FRMD4A: variants seen among roughly 807,000 people sequenced by gnomAD.
The protein encoded by FRMD4A is FERM domain containing 4A.
A neutral mutation model predicts 129.1 loss-of-function variants in FRMD4A; 29 were observed. The observed-to-expected ratio is 0.22, with a 90% CI of 0.17 to 0.31. FRMD4A has a LOEUF of 0.31. FRMD4A is among the 10% of genes least tolerant of loss of function. The probability of loss-of-function intolerance (pLI) is 1.00; values close to 1 mark genes in which losing one functional copy is unlikely to be tolerated. For missense variants in FRMD4A, 1,272 were observed against 1,375.8 expected (o/e 0.92, Z 1.19); for synonymous variants, 634 against 571.6 (o/e 1.11, Z -1.56).
chr10:14,282,073 A>G (rs1047777981), intron 2 of FRMD4A, among the ~76,000 whole-genome samples: 3 of 152,170 alleles, frequency 2.0e-5, no homozygotes, highest in Non-Finnish European at 4.4e-5. Context: ...ATGAGAACCA[A>G]GCAAAAGGGG....
At chr10:13,677,588 C>T (rs1449687594) in intron 15 of FRMD4A, among the ~76,000 whole-genome samples, 2 of 152,190 alleles carry the variant, frequency 1.3e-5, no homozygotes, top group Non-Finnish European at 2.9e-5. Flanking sequence ...CACAGCACAT[C>T]GCTGAACATT....
At chr10:13,827,261 A>G (rs911471704) in intron 3 of FRMD4A, among the ~76,000 whole-genome samples, 4 of 152,154 alleles carry the variant, frequency 2.6e-5, no homozygotes, top group African/African-American at 4.8e-5. Flanking sequence ...CATGGCTTCA[A>G]CACAGTTTCA....
chr10:13,769,359 A>T (rs1348323505), intron 6 of FRMD4A, among the ~76,000 whole-genome samples: 1 of 151,798 alleles, frequency 6.6e-6, no homozygotes. Flanking sequence ...CCCAGGCTGG[A>T]GTGCAGTGAC....
chr10:13,930,463 C>A (rs576226445), intron 2 of FRMD4A, among the ~76,000 whole-genome samples: 1 of 152,164 alleles, frequency 6.6e-6, no homozygotes, highest in African/African-American at 2.4e-5. Flanking sequence ...AGAAAGGAAA[C>A]CTCAGCTCTG....
intron 2 of FRMD4A, among the ~76,000 whole-genome samples, chr10:14,197,133 G>A (rs1376816224): frequency 6.6e-6 from 1 of 152,126 alleles, no homozygotes; most frequent in South Asian, 2.1e-4. Context: ...GGGACAAGCA[G>A]CTCAACCCAG....
chr10:13,791,750 G>A (rs2093006474), intron 5 of FRMD4A, among the ~76,000 whole-genome samples: 1 of 152,190 alleles, frequency 6.6e-6, no homozygotes, highest in Non-Finnish European at 1.5e-5. Flanking sequence ...CAGCCCAGGA[G>A]GAGCAGTGAG....
At chr10:14,126,626 G>A (rs891663190) in intron 2 of FRMD4A, among the ~76,000 whole-genome samples, 11 of 152,172 alleles carry the variant, frequency 7.2e-5, no homozygotes, top group South Asian at 2.1e-4. Context: ...CATAGAATAC[G>A]TCTTCCCTTT....
At chr10:13,879,667 TTCC>T (rs1426878843) in intron 2 of FRMD4A, among the ~76,000 whole-genome samples, 1 of 105,224 alleles carries the variant, frequency 9.5e-6, no homozygotes. Flanking sequence ...TTCCTTCCTC[TTCC>T]TCCTCCTTCT....
chr10:13,774,593 G>A (rs1272016273), intron 6 of FRMD4A, among the ~76,000 whole-genome samples: 5 of 152,214 alleles, frequency 3.3e-5, no homozygotes, highest in Non-Finnish European at 4.4e-5. Context: ...GAGCCAGAGA[G>A]GAAAGATGTC....
At chr10:14,132,496 G>A (rs1839312537) in intron 2 of FRMD4A, among the ~76,000 whole-genome samples, 1 of 152,158 alleles carries the variant, frequency 6.6e-6, no homozygotes, top group Non-Finnish European at 1.5e-5. Flanking sequence ...GTCCACGACT[G>A]AAGAGGTTGT....
intron 2 of FRMD4A, among the ~76,000 whole-genome samples, chr10:14,130,287 G>T (rs60384813): frequency 0.013 from 1,950 of 151,762 alleles, 39 homozygotes; most frequent in African/African-American, 0.045. Context: ...TGTACAGATG[G>T]TCTCACTCTG....
intron 2 of FRMD4A, among the ~76,000 whole-genome samples, chr10:14,236,322 G>T (rs151214708): frequency 6.6e-6 from 1 of 152,340 alleles, no homozygotes; most frequent in East Asian, 1.9e-4. Context: ...AGAAGGAAAT[G>T]CAGGCTGATC....
intron 2 of FRMD4A, among the ~76,000 whole-genome samples, chr10:13,958,438 C>T (rs1483192639): frequency 6.6e-6 from 1 of 151,672 alleles, no homozygotes; most frequent in Non-Finnish European, 1.5e-5. Flanking sequence ...TGCCCGCCAC[C>T]ATGCCTGGCT....
At chr10:13,653,179 T>G (rs1460827952) in intron 23 of FRMD4A, 1 of 151,984 alleles carries the variant, frequency 6.6e-6, no homozygotes, top group African/African-American at 2.4e-5. Context: ...TTGCCAAAAA[T>G]GAAGGCTCCA....
rs74125607 is a variant in FRMD4A, at chr10:14,262,255, C to T, written c.45+67803G>A. On this transcript the variant is annotated intron_variant, in intron 2 of 24. Coordinates refer to ENST00000357447, the MANE Select transcript of FRMD4A (RefSeq NM_018027.5). The stretch of plus-strand genomic sequence containing the variant: ...ATCACTTTCCATTACCTACTTAGCC[C>T]GGTTATCTCTTCTCTTGGCCCCTGA... Among the ~76,000 whole-genome samples the T allele has an allele frequency of 3.8e-3, 578 of 152,232 alleles. 4 individuals carry two copies. The highest frequency in any genetic ancestry group is 0.013 in the African/African-American group (558 of 41,522).
At chr10:13,810,031 TTAG>T (rs1409162165) in intron 4 of FRMD4A, among the ~76,000 whole-genome samples, 1 of 152,160 alleles carries the variant, frequency 6.6e-6, no homozygotes, top group African/African-American at 2.4e-5. Flanking sequence ...CACTGATCTA[TTAG>T]TAGTTTAGGA....
chr10:14,106,852 T>C (rs989193170), intron 2 of FRMD4A, among the ~76,000 whole-genome samples: 4 of 118,198 alleles, frequency 3.4e-5, no homozygotes, highest in Admixed American at 1.7e-4. Context: ...GCAATCCCAT[T>C]AGTGGATATA....
intron 2 of FRMD4A, among the ~76,000 whole-genome samples, chr10:13,977,017 C>T (rs1387728582): frequency 5.3e-5 from 8 of 152,186 alleles, no homozygotes; most frequent in African/African-American, 9.7e-5. Context: ...AAGGAATTAA[C>T]GCCTTAGCCT....
intron 2 of FRMD4A, among the ~76,000 whole-genome samples, chr10:13,944,252 T>C (rs1414991221): frequency 6.6e-6 from 1 of 151,990 alleles, no homozygotes; most frequent in Non-Finnish European, 1.5e-5. Flanking sequence ...CCACCTCCCA[T>C]CAGATTAGCA....
Sources: allele counts gnomAD v4.1 joint callset (sites outside exome capture counted in the v4.1 genomes callset), GRCh38; gene constraint gnomAD v4.1.1; transcripts MANE v1.5; gene names NCBI Gene and HGNC (gene_info 2026-07-23, HGNC 2026-07-21).